TIA1: variants seen among roughly 807,000 people sequenced by gnomAD.
The protein encoded by TIA1 is cytotoxic granule associated RNA binding protein TIA1.
Under a neutral mutation model 65.9 loss-of-function variants are expected in TIA1, and 23 were observed. The observed-to-expected ratio is 0.35, with a 90% CI of 0.25 to 0.49. The LOEUF (loss-of-function observed/expected upper bound fraction) is 0.49. Ranked by LOEUF, TIA1 falls within the 20% of genes least tolerant of loss-of-function variation. The pLI, the probability that TIA1 is intolerant of heterozygous loss-of-function variation, is 0.98. For synonymous variants in TIA1, 147 were observed against 149.4 expected, an observed-to-expected ratio of 0.98 and a Z score of 0.12; for missense variants, 371 against 477.9, an observed-to-expected ratio of 0.78 and a Z score of 2.09.
intron 7 of TIA1, among the ~76,000 whole-genome samples, chr2:70,218,763 T>C (rs1679869100): frequency 6.6e-6 from 1 of 152,328 alleles, no homozygotes. Flanking sequence ...AAGAGGAGAA[T>C]GGCTTAGGAT....
chr2:70,222,644 A>G (rs2592182), intron 7 of TIA1, among the ~76,000 whole-genome samples: 83,481 of 152,134 alleles, frequency 0.55, 25,745 homozygotes, highest in African/African-American at 0.83. Context: ...TGCCGGGCGC[A>G]GTGGCTCACG....
chr2:70,245,914 ATTTTT>A (rs199977940), intron 1 of TIA1, among the ~76,000 whole-genome samples: 3 of 124,734 alleles, frequency 2.4e-5, no homozygotes, highest in African/African-American at 9.7e-5. Flanking sequence ...ATTCTACCAG[ATTTTT>A]TTTTTTTTTT....
At position 70,212,857 on chromosome 2, in the gene TIA1, T is replaced by C. The variant is rs542190157; in HGVS notation, c.1035-12A>G. 6.3e-7 allele frequency: 1 copy of C among 1,595,330 alleles called. No homozygotes were observed. Among genetic ancestry groups the C allele is most frequent in the African/African-American group, 1.3e-5 (1 of 74,600 alleles). ...AAGACTGTGTCTGACTGGTGGAGAATGTGAAAGAAGCAGAGGGGAGAGGAA... is the reference window on the plus strand; with the variant it reads ...AAGACTGTGTCTGACTGGTGGAGAACGTGAAAGAAGCAGAGGGGAGAGGAA... On this transcript the variant is annotated splice_polypyrimidine_tract_variant and intron_variant, in intron 12 of 12. Transcript: ENST00000433529.
chr2:70,234,847 A>T (rs1323944089), intron 2 of TIA1, among the ~76,000 whole-genome samples: 8 of 152,146 alleles, frequency 5.3e-5, no homozygotes. Context: ...GGTGTGAGCC[A>T]CTGTGCCCGG....
intron 1 of TIA1, among the ~76,000 whole-genome samples, chr2:70,238,206 A>G (rs1228458911): frequency 6.6e-6 from 1 of 150,400 alleles, no homozygotes; most frequent in Non-Finnish European, 1.5e-5. Context: ...AGGCATTGCA[A>G]TTATTTCTAC....
Position 70,248,525 on chromosome 2 carries a change from G to A in TIA1, c.-95C>T, listed in dbSNP as rs1695541072. The A allele has an allele frequency of 8.2e-6, 13 of 1,577,832 alleles. No individual in the cohort carries two copies. Among genetic ancestry groups the A allele is most frequent in the Admixed American group, 1.7e-5 (1 of 59,158 alleles). On this transcript the variant is annotated 5_prime_UTR_variant, in exon 1 of 13. Transcript: ENST00000433529. Reference sequence around the variant, plus strand: ...GCGGTTATGGCTACAGGATAGTGGGGTTTCTCGGCTGACCAGAGGTTACTC... The same window carrying A: ...GCGGTTATGGCTACAGGATAGTGGGATTTCTCGGCTGACCAGAGGTTACTC...
At position 70,229,348 on chromosome 2, in the gene TIA1, T is replaced by C. The variant is rs554267887; in HGVS notation, c.223-30A>G. The stretch of plus-strand genomic sequence containing the variant: ...AAAAAAAAAATTTCTACATTTATAC[T>C]TCACAAAAATAAAGCCCAAAATCAC... On this transcript the variant is annotated intron_variant, in intron 3 of 12. Coordinates refer to ENST00000433529, the MANE Select transcript of TIA1 (RefSeq NM_022173.4). 3.7e-5 allele frequency: 58 copies of C among 1,575,426 alleles called. No individual in the cohort carries two copies. The African/African-American group carries it at 6.3e-4, about 17-fold the overall frequency.
chr2:70,211,705 TTTGA>T lies in TIA1; in HGVS notation c.*1010_*1013del, dbSNP rs1343965144. ...TATTCAAAGACTACCAAAGTATGTATTTGATTTTCACATGCAAACAACTTAAAAC... is the reference window on the plus strand; with the variant it reads ...TATTCAAAGACTACCAAAGTATGTATTTTTCACATGCAAACAACTTAAAAC... On this transcript the variant is annotated 3_prime_UTR_variant, in exon 13 of 13. Coordinates refer to ENST00000433529, the MANE Select transcript of TIA1 (RefSeq NM_022173.4). 1.3e-5 allele frequency: 2 copies of T among 152,638 alleles called. No individual in the cohort carries two copies. The highest frequency in any genetic ancestry group is 4.8e-5 in the African/African-American group (2 of 41,454). 9.5% of individuals were successfully genotyped at this position (152,638 alleles called of 1,614,324 possible). A position where few individuals can be genotyped will look rare whatever the true frequency, so the allele number is the denominator to read the frequency against.
At chr2:70,224,862 CCT>C (rs1683128438) in intron 6 of TIA1, 1 of 1,244,456 alleles carries the variant, frequency 8.0e-7, no homozygotes, top group Non-Finnish European at 1.0e-6. Flanking sequence ...ACAGAAATTG[CCT>C]CTCTCTTCAA....
intron 2 of TIA1, 26 bp downstream of exon 2, chr2:70,236,053 A>C (rs1688766119): frequency 7.1e-7 from 1 of 1,412,192 alleles, no homozygotes; most frequent in African/African-American, 1.4e-5. Context: ...AAAAAGAATA[A>C]AGTTAACTAA....
chr2:70,241,224 C>T (rs1001475532), intron 1 of TIA1, among the ~76,000 whole-genome samples: 6 of 151,808 alleles, frequency 4.0e-5, no homozygotes, highest in Non-Finnish European at 7.4e-5. Context: ...AGGCGGATCA[C>T]AGGTCAGGAG....
At chr2:70,219,519 C>T (rs1680231217) in intron 7 of TIA1, among the ~76,000 whole-genome samples, 2 of 152,152 alleles carry the variant, frequency 1.3e-5, no homozygotes, top group Admixed American at 1.3e-4. Flanking sequence ...GGGTCTTATT[C>T]TGTCATCCAG....
At chr2:70,224,522 A>G in intron 7 of TIA1, 32 bp downstream of exon 7, 1 of 1,613,604 alleles carries the variant, frequency 6.2e-7, no homozygotes, top group Non-Finnish European at 8.5e-7. Context: ...TTACTCTTTA[A>G]GCATTATCCA....
intron 2 of TIA1, among the ~76,000 whole-genome samples, chr2:70,231,334 C>G (rs1185020257): frequency 6.6e-6 from 1 of 151,708 alleles, no homozygotes; most frequent in East Asian, 1.9e-4. Context: ...AAACAGCCAG[C>G]TCCTGTAGTC....
chr2:70,215,731 G>A (rs1022872497), intron 10 of TIA1: 6 of 426,640 alleles, frequency 1.4e-5, no homozygotes, highest in South Asian at 6.3e-5. Flanking sequence ...AGGCAAATAC[G>A]CTGGATGCTA....
chr2:70,228,445 T>C, intron 5 of TIA1: 1 of 1,284,106 alleles, frequency 7.8e-7, no homozygotes, highest in Non-Finnish European at 1.0e-6. Context: ...TGTGAATCCA[T>C]GTGCAAGTGA....
chr2:70,224,043 G>A (rs570584142), intron 7 of TIA1, among the ~76,000 whole-genome samples: 6 of 151,942 alleles, frequency 3.9e-5, no homozygotes, highest in African/African-American at 9.7e-5. Flanking sequence ...TCAGCTTCCC[G>A]AGTAGCTGGG....
chr2:70,228,769 A>G, intron 5 of TIA1: 1 of 1,319,150 alleles, frequency 7.6e-7, no homozygotes, highest in Non-Finnish European at 9.7e-7. Flanking sequence ...CTGGGTATGA[A>G]GCCCAAATGG....
rs56200342 is a variant in TIA1 at position 70,236,712 on chromosome 2, C to T, written c.27-537G>A. 2.7e-3 allele frequency among the ~76,000 whole-genome samples: 411 copies of T among 152,214 alleles called. 1 individual carries two copies. The highest frequency in any genetic ancestry group is 9.5e-3 in the African/African-American group (393 of 41,532). On this transcript the variant is annotated intron_variant, in intron 1 of 12. Coordinates refer to ENST00000433529, the MANE Select transcript of TIA1 (RefSeq NM_022173.4). ...CGCAATCTTGGCTCACTACAATCTC[C>T]ACCTCCTGGGCACAAGGGATTCTCC...
Sources: allele counts gnomAD v4.1 joint callset (sites outside exome capture counted in the v4.1 genomes callset), GRCh38; gene constraint gnomAD v4.1.1; transcripts MANE v1.5; gene names NCBI Gene and HGNC (gene_info 2026-07-23, HGNC 2026-07-21).